REV3L: variants seen among roughly 807,000 people sequenced by gnomAD.
The protein encoded by REV3L is REV3 like, DNA directed polymerase zeta catalytic subunit.
A neutral mutation model predicts 299.4 loss-of-function variants in REV3L; 69 were observed. The observed-to-expected ratio is 0.23, with a 90% CI of 0.19 to 0.28. REV3L has a LOEUF of 0.28. Among genes scored for constraint, REV3L ranks in the 10% least tolerant of loss-of-function variants. The pLI is 1.00. For synonymous variants in REV3L, 1,238 were observed against 1,271.4 expected, an observed-to-expected ratio of 0.97 and a Z score of 0.56; for missense variants, 3,128 against 3,693.8, an observed-to-expected ratio of 0.85 and a Z score of 3.97.
At chr6:111,386,678 T>C (rs1781376441) in intron 9 of REV3L, among the ~76,000 whole-genome samples, 1 of 152,030 alleles carries the variant, frequency 6.6e-6, no homozygotes, top group Non-Finnish European at 1.5e-5. Flanking sequence ...TTTATGATAT[T>C]TATCCTAAAA....
chr6:111,344,045 T>C lies in REV3L; in HGVS notation c.7420-2A>G. 1 of 1,551,250 alleles carries C rather than the reference T, an allele frequency of 6.4e-7. No individual in the cohort carries two copies. The highest frequency in any genetic ancestry group is 8.7e-7 in the Non-Finnish European group (1 of 1,143,976). On this transcript the variant is annotated splice_acceptor_variant, in intron 20 of 31. Coordinates refer to ENST00000368802, the MANE Select transcript of REV3L (RefSeq NM_001372078.1). LOFTEE classifies it high-confidence loss of function. ...AAAGGTGTAGTTAGTTAGAGCCACC[T>C]AAAAAAAAAGGCAAGACACCATTAT...
chr6:111,380,864 C>G (rs1308267000), intron 10 of REV3L, among the ~76,000 whole-genome samples: 1 of 152,202 alleles, frequency 6.6e-6, no homozygotes. Context: ...CTGCAGGAAG[C>G]CTGAGATGCC....
chr6:111,325,829 C>T (rs546766163), intron 25 of REV3L, among the ~76,000 whole-genome samples: 17 of 152,268 alleles, frequency 1.1e-4, no homozygotes, highest in African/African-American at 3.9e-4. Flanking sequence ...CAATAAGTTG[C>T]TGTTCACTAT....
chr6:111,458,932 C>A (rs1410465920), intron 1 of REV3L, among the ~76,000 whole-genome samples: 3 of 151,908 alleles, frequency 2.0e-5, no homozygotes, highest in African/African-American at 7.3e-5. Context: ...GAAAAAACTA[C>A]TCTAAAATTC....
intron 30 of REV3L, chr6:111,307,916 C>A: frequency 3.5e-6 from 1 of 289,722 alleles, no homozygotes; most frequent in South Asian, 3.2e-5. Context: ...GGTATTTCTC[C>A]TAATGCTATC....
rs1771261427 is a variant in REV3L at position 111,299,669 on chromosome 6, C to G, written c.*347G>C. 1 of 163,140 alleles carries G rather than the reference C, an allele frequency of 6.1e-6. No individual in the cohort carries two copies. Among genetic ancestry groups the G allele is most frequent in the African/African-American group, 2.4e-5 (1 of 41,882 alleles). 10.1% of individuals were successfully genotyped at this position (163,140 alleles called of 1,614,324 possible). A position where few individuals can be genotyped will look rare whatever the true frequency, so the allele number is the denominator to read the frequency against. On this transcript the variant is annotated 3_prime_UTR_variant, in exon 32 of 32. Transcript: ENST00000368802. The stretch of plus-strand genomic sequence containing the variant: ...ATACAGACAGTTCAAGGAAAACACA[C>G]AAATGCTTTTTCTTTAAGAGGTTTT...
Position 111,363,870 on chromosome 6 carries a change from C to T in REV3L, c.6862G>A (p.Ala2288Thr). ...AGTTTTACCTCATGTAAAGCTTTTG[C>T]CTCCTGTAAGTTTTGTATGCTGACT... is the stretch of plus-strand genomic sequence containing the variant. ...FKVSIQNLQE[A>T]KALHEIQNLT... Residue 2288 changes from alanine to threonine, a missense_variant, in exon 16 of 32, where the codon GCA (alanine) becomes ACA (threonine). By Grantham distance (58) the Ala-to-Thr change is moderately conservative. Around this residue, in one of 9 missense-constraint regions of REV3L, gnomAD observed 2,409 missense variants for 2,611.8 expected, o/e 0.92. Transcript: ENST00000368802. 6.2e-7 allele frequency: 1 copy of T among 1,613,012 alleles called. No homozygotes were observed. The highest frequency in any genetic ancestry group is 8.5e-7 in the Non-Finnish European group (1 of 1,179,496).
chr6:111,445,197 C>A (rs1788702915), intron 1 of REV3L, among the ~76,000 whole-genome samples: 1 of 152,072 alleles, frequency 6.6e-6, no homozygotes, highest in South Asian at 2.1e-4. Context: ...AACAAGAATG[C>A]AGGTGGCAAC....
chr6:111,429,121 T>C (rs1786542964), intron 1 of REV3L, among the ~76,000 whole-genome samples: 1 of 152,210 alleles, frequency 6.6e-6, no homozygotes, highest in East Asian at 1.9e-4. Flanking sequence ...GAATAAAGTA[T>C]TGAGCAATGC....
intron 1 of REV3L, 146 bp downstream of exon 1, chr6:111,482,604 G>A (rs1055571282): frequency 1.5e-5 from 5 of 338,178 alleles, no homozygotes; most frequent in Non-Finnish European, 2.2e-5. Context: ...GAGAGAAAAG[G>A]CGAGGAGGGC....
At chr6:111,413,648 A>C (rs1476833262) in intron 2 of REV3L, among the ~76,000 whole-genome samples, 5 of 152,076 alleles carry the variant, frequency 3.3e-5, no homozygotes, top group Non-Finnish European at 7.4e-5. Flanking sequence ...GAATTAGAGA[A>C]GGTAGAATGA....
chr6:111,408,375 G>A (rs1412296994), intron 3 of REV3L, among the ~76,000 whole-genome samples: 2 of 152,130 alleles, frequency 1.3e-5, no homozygotes, highest in African/African-American at 4.8e-5. Flanking sequence ...GCCTGAGGTG[G>A]GCGGATCACC....
chr6:111,420,533 C>CTT (rs900246764), intron 1 of REV3L, among the ~76,000 whole-genome samples: 5 of 152,192 alleles, frequency 3.3e-5, no homozygotes, highest in African/African-American at 1.2e-4. Flanking sequence ...AAGGTTCCCT[C>CTT]TTACTATCAT....
chr6:111,481,478 C>A (rs1793633276), intron 1 of REV3L, among the ~76,000 whole-genome samples: 1 of 152,200 alleles, frequency 6.6e-6, no homozygotes, highest in Admixed American at 6.5e-5. Context: ...TAGGAATATG[C>A]TACCAAATCT....
rs373569833 is a variant in REV3L at position 111,407,236 on chromosome 6, G to C, written c.405-1606C>G. On this transcript the variant is annotated intron_variant, in intron 3 of 31. Coordinates refer to ENST00000368802, the MANE Select transcript of REV3L (RefSeq NM_001372078.1). ...ATATATTGTTTAGAAGCTCTAGAGA[G>C]AAATGAGGCTATTCATATACATTTG... is the stretch of plus-strand genomic sequence containing the variant. 2.0e-4 allele frequency among the ~76,000 whole-genome samples: 30 copies of C among 152,250 alleles called. No homozygotes were observed. The South Asian group carries it at 6.0e-3, about 31-fold the overall frequency.
chr6:111,434,399 G>C (rs183236783), intron 1 of REV3L, among the ~76,000 whole-genome samples: 9 of 152,152 alleles, frequency 5.9e-5, no homozygotes, highest in Admixed American at 5.9e-4. Flanking sequence ...CGCATCACCA[G>C]GTCAGGAGAT....
At chr6:111,341,749 C>T (rs1776503858) in intron 21 of REV3L, among the ~76,000 whole-genome samples, 2 of 122,976 alleles carry the variant, frequency 1.6e-5, no homozygotes, top group Non-Finnish European at 4.1e-5. Context: ...GTGCAAGTGG[C>T]AGGAGTTGGG....
In REV3L at chr6:111,375,111, G is replaced by A. The variant is rs752902611; in HGVS notation, c.3244C>T (p.His1082Tyr). The change falls in exon 13 of 32, where the codon CAT (histidine) becomes TAT (tyrosine). Residue 1082 changes from histidine (H) to tyrosine (Y), a missense_variant. Coordinates refer to ENST00000368802, the MANE Select transcript of REV3L (RefSeq NM_001372078.1). The stretch of plus-strand genomic sequence containing the variant: ...GGTGAGGGAGGAGAAAGAATAGCAT[G>A]TGACCGTTTTTTCCTGAAAGACAAA... ...RTLSFRKKRS[H>Y]AILSPPSPSY... The A allele has an allele frequency of 6.2e-7, 1 of 1,610,916 alleles. No individual in the cohort carries two copies. The highest frequency in any genetic ancestry group is 8.5e-7 in the Non-Finnish European group (1 of 1,179,166).
In REV3L at chr6:111,373,360, C is replaced by G. The variant is rs1779988655; in HGVS notation, c.4995G>C (p.Gln1665His). The change falls in exon 13 of 32, where the codon CAG (glutamine) becomes CAC (histidine). Residue 1665 changes from glutamine (Q) to histidine (H), a missense_variant. Physicochemically the swap from Gln to His is conservative, Grantham distance 24. This residue lies in a region of REV3L where 2,409 missense variants were observed against 2,611.8 expected (regional missense o/e 0.92). Transcript: ENST00000368802. ...GCAAATTCTGATCAGCTGGGACAAA[C>G]TGACTTCCAGAATAAAAGCTACAAA... The part of the protein sequence containing the change: ...TGFCSFYSGS[Q>H]FVPADQNLPQ... 6.2e-7 allele frequency: 1 copy of G among 1,613,584 alleles called. No homozygotes were observed. The highest frequency in any genetic ancestry group is 1.1e-5 in the South Asian group (1 of 90,978).
Sources: allele counts gnomAD v4.1 joint callset (sites outside exome capture counted in the v4.1 genomes callset), GRCh38; gene constraint gnomAD v4.1.1; regional missense constraint gnomAD v4.1.1; transcripts MANE v1.5; gene names NCBI Gene and HGNC (gene_info 2026-07-23, HGNC 2026-07-21).